DCLK1: variants seen among roughly 807,000 people sequenced by gnomAD.
The protein encoded by DCLK1 is doublecortin like kinase 1.
Under a neutral mutation model 86.2 loss-of-function variants are expected in DCLK1, and 16 were observed. That is an observed-to-expected ratio of 0.19 (90% CI 0.13 to 0.28). The LOEUF is 0.28. Among genes scored for constraint, DCLK1 ranks in the 10% least tolerant of loss-of-function variants. The pLI, the probability that DCLK1 is intolerant of heterozygous loss-of-function variation, is 1.00. For synonymous variants in DCLK1, 369 were observed against 370.5 expected (o/e 1.00, Z 0.05); for missense variants, 590 against 940.2 (o/e 0.63, Z 4.87).
At chr13:35,810,784 CG>C in intron 12 of DCLK1, 50 bp downstream of exon 12, 1 of 1,591,728 alleles carries the variant, frequency 6.3e-7, no homozygotes, top group Non-Finnish European at 8.6e-7. Flanking sequence ...ATTCTCGAAG[CG>C]GGCTAGTTCT....
chr13:36,126,416 T>C (rs1442120767), intron 1 of DCLK1, among the ~76,000 whole-genome samples: 1 of 152,030 alleles, frequency 6.6e-6, no homozygotes, highest in Non-Finnish European at 1.5e-5. Flanking sequence ...ATTTCCTTCA[T>C]TTTTTGTTCA....
chr13:35,829,955 T>C (rs1388432615), intron 8 of DCLK1, among the ~76,000 whole-genome samples: 1 of 152,166 alleles, frequency 6.6e-6, no homozygotes, highest in East Asian at 1.9e-4. Flanking sequence ...GAGGCCATGA[T>C]GGGATGTGAG....
intron 3 of DCLK1, among the ~76,000 whole-genome samples, chr13:36,091,080 A>G (rs1320735378): frequency 6.6e-6 from 1 of 152,034 alleles, no homozygotes; most frequent in Non-Finnish European, 1.5e-5. Flanking sequence ...TAGATTCTGG[A>G]TATTAGACCT....
At chr13:36,131,392 G>C, upstream of DCLK1, 1 of 195,498 alleles carries the variant, frequency 5.1e-6, no homozygotes. Flanking sequence ...CGGCGGCGGC[G>C]GCGGGCGCGC....
chr13:36,043,845 G>T (rs1263347004), intron 3 of DCLK1, among the ~76,000 whole-genome samples: 1 of 152,074 alleles, frequency 6.6e-6, no homozygotes, highest in Non-Finnish European at 1.5e-5. Flanking sequence ...TATTTTACAT[G>T]TATCCTTTGT....
chr13:35,988,337 G>A (rs1030574908), intron 3 of DCLK1, among the ~76,000 whole-genome samples: 17 of 152,222 alleles, frequency 1.1e-4, no homozygotes, highest in African/African-American at 4.1e-4. Context: ...GAGGGTGCCC[G>A]TTTTGTACCA....
At chr13:35,830,709 C>A (rs940374102) in intron 8 of DCLK1, among the ~76,000 whole-genome samples, 5 of 152,194 alleles carry the variant, frequency 3.3e-5, no homozygotes, top group African/African-American at 1.2e-4. Flanking sequence ...CATTGCACTG[C>A]CTGCCTGGGT....
intron 6 of DCLK1, among the ~76,000 whole-genome samples, chr13:35,853,540 T>C (rs1870813565): frequency 6.6e-6 from 1 of 152,118 alleles, no homozygotes; most frequent in African/African-American, 2.4e-5. Context: ...TGTGCAGAAA[T>C]CTTGAAGAGA....
chr13:35,890,066 T>C (rs1873547080), intron 4 of DCLK1, among the ~76,000 whole-genome samples: 1 of 152,204 alleles, frequency 6.6e-6, no homozygotes, highest in Non-Finnish European at 1.5e-5. Flanking sequence ...TCCAATTTTC[T>C]ATAATATATG....
At chr13:36,091,473 T>G (rs924970131) in intron 3 of DCLK1, among the ~76,000 whole-genome samples, 1 of 152,344 alleles carries the variant, frequency 6.6e-6, no homozygotes, top group South Asian at 2.1e-4. Flanking sequence ...TCCTCAATAC[T>G]TGGCACGTAA....
intron 3 of DCLK1, among the ~76,000 whole-genome samples, chr13:36,102,451 C>A (rs1004385041): frequency 2.0e-5 from 3 of 152,126 alleles, no homozygotes; most frequent in African/African-American, 7.2e-5. Context: ...TGAGGGTAGT[C>A]GTGAATACAG....
intron 10 of DCLK1, 121 bp downstream of exon 10, chr13:35,827,514 T>C (rs1868576010): frequency 8.3e-7 from 1 of 1,205,398 alleles, no homozygotes; most frequent in African/African-American, 1.5e-5. Flanking sequence ...TCCTAATCAC[T>C]GGGCCAATGT....
rs961565505 is a variant in DCLK1, at chr13:36,077,607, G to T, written c.723+34262C>A. On this transcript the variant is annotated intron_variant, in intron 3 of 16. Transcript: ENST00000360631. ...GAAAATTTCTATAATAAAGCACAAA[G>T]AAGATGTGATGGTAGGAACATGAAA... Among the ~76,000 whole-genome samples, 8 of 152,108 alleles carry T rather than the reference G, an allele frequency of 5.3e-5. No homozygotes were observed. The East Asian group carries it at 1.5e-3, about 29-fold the overall frequency.
rs542955402 is a variant in DCLK1 at position 36,041,332 on chromosome 13, C to G, written c.723+70537G>C. 1.1e-4 allele frequency among the ~76,000 whole-genome samples: 17 copies of G among 152,286 alleles called. No homozygotes were observed. In the South Asian group the frequency reaches 3.5e-3, roughly 32 times the overall value. ...ACAGTGAGTACCTGGCTTCCACCAT[C>G]GGGCATCCATTTACTTAACTGTCCA... On this transcript the variant is annotated intron_variant, in intron 3 of 16. Coordinates refer to ENST00000360631, the MANE Select transcript of DCLK1 (RefSeq NM_001330071.2).
intron 5 of DCLK1, among the ~76,000 whole-genome samples, chr13:35,867,953 GAA>G (rs1213617963): frequency 3.1e-4 from 45 of 145,696 alleles, no homozygotes; most frequent in East Asian, 6.1e-4. Context: ...AAGAAAGAAA[GAA>G]AGAAAGAAAG....
At chr13:35,891,957 T>C (rs2153119602) in intron 4 of DCLK1, among the ~76,000 whole-genome samples, 1 of 152,322 alleles carries the variant, frequency 6.6e-6, no homozygotes, top group African/African-American at 2.4e-5. Flanking sequence ...TGGGATTATA[T>C]AATCTTACCG....
Position 35,918,892 on chromosome 13 carries a change from G to GTTTTTTTTTTTGTT in DCLK1, c.823+28465_823+28466insAACAAAAAAAAAAA, listed in dbSNP as rs1875604363. Among the ~76,000 whole-genome samples the GTTTTTTTTTTTGTT allele has an allele frequency of 1.7e-4, 13 of 76,310 alleles. 1 individual carries two copies. The highest frequency in any genetic ancestry group is 2.9e-4 in the Non-Finnish European group (12 of 40,718). 50.1% of individuals were successfully genotyped at this position (76,310 alleles called of 152,430 possible). A position where few individuals can be genotyped will look rare whatever the true frequency, so the allele number is the denominator to read the frequency against. ...AAAAAGAAATCTTCCTTCTGAGTGT[G>GTTTTTTTTTTTGTT]TTTTTTTTTTTTTTTTTGGAAACGG... On this transcript the variant is annotated intron_variant, in intron 4 of 16. Coordinates refer to ENST00000360631, the MANE Select transcript of DCLK1 (RefSeq NM_001330071.2).
chr13:36,038,985 T>C (rs1476330960), intron 3 of DCLK1, among the ~76,000 whole-genome samples: 1 of 152,214 alleles, frequency 6.6e-6, no homozygotes, highest in Non-Finnish European at 1.5e-5. Flanking sequence ...CACAGCACCA[T>C]GTCCTATGAC....
chr13:35,825,721 A>C (rs547472024), intron 10 of DCLK1, among the ~76,000 whole-genome samples: 1 of 152,352 alleles, frequency 6.6e-6, no homozygotes, highest in East Asian at 1.9e-4. Flanking sequence ...GGGAAAGTAT[A>C]ATTTACAATG....
Sources: gnomAD v4.1 joint callset for allele counts (sites outside exome capture counted in the v4.1 genomes callset) on GRCh38, gnomAD v4.1.1 for gene constraint, MANE v1.5 for transcripts, NCBI Gene and HGNC (gene_info 2026-07-23, HGNC 2026-07-21) for gene names.